Variants in EGFR observed in about 807,000 individuals in gnomAD.
EGFR encodes epidermal growth factor receptor.
Under a neutral mutation model 143.0 loss-of-function variants are expected in EGFR, and 58 were observed. The observed-to-expected ratio is 0.41, with a 90% CI of 0.33 to 0.50. The LOEUF (loss-of-function observed/expected upper bound fraction) is 0.50, where lower values mean the gene tolerates loss of function less well. Among genes scored for constraint, EGFR ranks in the 20% least tolerant of loss-of-function variants. The pLI is 0.39. For synonymous variants in EGFR, 613 were observed against 594.4 expected (o/e 1.03, Z -0.45); for missense variants, 1,307 against 1,579.0 (o/e 0.83, Z 2.92).
chr7:55,186,691 A>G (rs1237004309), intron 20 of EGFR, among the ~76,000 whole-genome samples: 1 of 152,224 alleles, frequency 6.6e-6, no homozygotes, highest in Non-Finnish European at 1.5e-5. Context: ...AGACATTTTG[A>G]CTAGTTATTT....
At chr7:55,147,579 G>A (rs190592981) in intron 4 of EGFR, among the ~76,000 whole-genome samples, 64 of 151,558 alleles carry the variant, frequency 4.2e-4, no homozygotes, top group African/African-American at 1.5e-3. Context: ...GGATTTTTGT[G>A]TATTTGTTTT....
intron 1 of EGFR, among the ~76,000 whole-genome samples, chr7:55,141,279 A>G (rs1794443658): frequency 6.6e-6 from 1 of 152,210 alleles, no homozygotes; most frequent in Admixed American, 6.5e-5. Flanking sequence ...TTGCCTAAAC[A>G]TGCCTTTCAA....
At position 55,143,460 on chromosome 7, in the gene EGFR, G is replaced by A. The variant is rs1456006424; in HGVS notation, c.396G>A (p.Leu132=). The A allele has an allele frequency of 4.3e-6, 7 of 1,614,104 alleles. No homozygotes were observed. Among genetic ancestry groups the A allele is most frequent in the East Asian group, 2.2e-5 (1 of 44,898 alleles). Residue 132 remains leucine (L), a synonymous_variant, in exon 3 of 28, where the codon CTG becomes CTA. Coordinates refer to ENST00000275493, the MANE Select transcript of EGFR (RefSeq NM_005228.5). ...LSNYDANKTG[L]KELPMRNLQE... is the part of the protein sequence containing the mutation. ...ACTATGATGCAAATAAAACCGGACT[G>A]AAGGAGCTGCCCATGAGAAATTTAC... is the stretch of plus-strand genomic sequence containing the variant.
At chr7:55,160,466 C>A in intron 12 of EGFR, 128 bp downstream of exon 12, 3 of 1,023,206 alleles carry the variant, frequency 2.9e-6, no homozygotes, top group Non-Finnish European at 4.2e-6. Flanking sequence ...AAATTAAAAT[C>A]TTAAGATTCC....
In EGFR at chr7:55,177,396, A is replaced by G. The variant is rs868110584; in HGVS notation, c.2283+2576A>G. On this transcript the variant is annotated intron_variant, in intron 19 of 27. Transcript: ENST00000275493. Reference sequence around the variant, plus strand: ...CATGTGTGCTCTTAGAAAGACTCACATGCACGCATGCACGGCAGCAATGAC... The same window carrying G: ...CATGTGTGCTCTTAGAAAGACTCACGTGCACGCATGCACGGCAGCAATGAC... 2.6e-5 allele frequency among the ~76,000 whole-genome samples: 4 copies of G among 152,328 alleles called. No individual in the cohort carries two copies. The Middle Eastern group carries it at 0.01, about 389-fold the overall frequency.
chr7:55,060,035 G>A (rs1288954828), intron 1 of EGFR, among the ~76,000 whole-genome samples: 1 of 152,228 alleles, frequency 6.6e-6, no homozygotes, highest in Non-Finnish European at 1.5e-5. Context: ...AGCGGGCACA[G>A]AGCTGATGTG....
rs17336800 is a variant in EGFR at position 55,161,509 on chromosome 7, C to T, written c.1509C>T (p.Gly503=). Residue 503 remains glycine, a synonymous_variant, in exon 13 of 28, where the codon GGC becomes GGT. Coordinates refer to ENST00000275493, the MANE Select transcript of EGFR (RefSeq NM_005228.5). ...NRGENSCKAT[G]QVCHALCSPE... Reference sequence around the variant, plus strand: ...ACTCTGTCTCCGCAGAGGCCACAGGCCAGGTCTGCCATGCCTTGTGCTCCC... The same window carrying T: ...ACTCTGTCTCCGCAGAGGCCACAGGTCAGGTCTGCCATGCCTTGTGCTCCC... 0.011 allele frequency: 18,287 copies of T among 1,614,058 alleles called. 114 individuals are homozygous for T. Among genetic ancestry groups the T allele is most frequent in the Non-Finnish European group, 0.014 (16,021 of 1,180,030 alleles).
chr7:55,173,763 C>T (rs951625905), intron 17 of EGFR, among the ~76,000 whole-genome samples, 158 bp from the exon 18 acceptor site: 3 of 152,244 alleles, frequency 2.0e-5, no homozygotes, highest in African/African-American at 7.2e-5. Flanking sequence ...GTAGAGAAGG[C>T]GTACATTTGT....
chr7:55,191,977 CCAGA>C, intron 21 of EGFR, 103 bp downstream of exon 21: 1 of 1,549,724 alleles, frequency 6.5e-7, no homozygotes, highest in Non-Finnish European at 8.8e-7. Flanking sequence ...AGGATGCTCT[CCAGA>C]CATTCTGGGT....
At chr7:55,066,373 G>A (rs1481766812) in intron 1 of EGFR, among the ~76,000 whole-genome samples, 2 of 152,170 alleles carry the variant, frequency 1.3e-5, no homozygotes, top group Non-Finnish European at 1.5e-5. Flanking sequence ...AATATTTGGT[G>A]TGAAATGTTC....
chr7:55,038,665 G>A (rs1787733903), intron 1 of EGFR, among the ~76,000 whole-genome samples: 1 of 152,210 alleles, frequency 6.6e-6, no homozygotes. Flanking sequence ...ACATTGAGGA[G>A]AATCTAAATT....
chr7:55,145,297 C>G (rs1317317945), intron 3 of EGFR, among the ~76,000 whole-genome samples: 4 of 152,216 alleles, frequency 2.6e-5, no homozygotes, highest in Non-Finnish European at 5.9e-5. Flanking sequence ...GCCCTGTCCT[C>G]TCCTGAGTTC....
chr7:55,082,380 G>A (rs1239629224), intron 1 of EGFR, among the ~76,000 whole-genome samples: 1 of 152,054 alleles, frequency 6.6e-6, no homozygotes, highest in African/African-American at 2.4e-5. Flanking sequence ...CAGCTTTGGT[G>A]TTTTGGCTTG....
At chr7:55,174,891 A>G in intron 19 of EGFR, 71 bp downstream of exon 19, 1 of 1,222,180 alleles carries the variant, frequency 8.2e-7, no homozygotes, top group Non-Finnish European at 1.2e-6. Context: ...CATGTCTGGC[A>G]GCTGCTCTGC....
rs532474383 is a variant in EGFR at position 55,099,159 on chromosome 7, T to C, written c.89-43127T>C. ...CATCGTGGTGGTGGCTTTCTCTGTG[T>C]TCCTCTGTTGATTCAGTCTCTGGAA... On this transcript the variant is annotated intron_variant, in intron 1 of 27. Transcript: ENST00000275493. 4.6e-5 allele frequency among the ~76,000 whole-genome samples: 7 copies of C among 152,338 alleles called. No homozygotes were observed. In the South Asian group the frequency reaches 1.4e-3, roughly 32 times the overall value.
intron 11 of EGFR, among the ~76,000 whole-genome samples, chr7:55,158,736 G>A (rs761260006): frequency 1.3e-5 from 2 of 152,204 alleles, no homozygotes; most frequent in Non-Finnish European, 2.9e-5. Flanking sequence ...GTGGCCACAC[G>A]TTCCAGGGTG....
intron 1 of EGFR, among the ~76,000 whole-genome samples, chr7:55,120,494 G>C (rs1793136813): frequency 6.6e-6 from 1 of 152,226 alleles, no homozygotes; most frequent in South Asian, 2.1e-4. Flanking sequence ...CGTTTACATG[G>C]AAATGAACCA....
intron 1 of EGFR, among the ~76,000 whole-genome samples, chr7:55,141,793 T>G (rs1475826530): frequency 6.6e-6 from 1 of 152,196 alleles, no homozygotes; most frequent in Non-Finnish European, 1.5e-5. Context: ...ACAATATTTT[T>G]GAGAAGTAAA....
At chr7:55,078,450 A>G (rs1790262804) in intron 1 of EGFR, among the ~76,000 whole-genome samples, 1 of 152,214 alleles carries the variant, frequency 6.6e-6, no homozygotes, top group African/African-American at 2.4e-5. Context: ...CATGTGTGCT[A>G]GCTGCACCAA....
Sources: gnomAD v4.1 joint callset for allele counts (sites outside exome capture counted in the v4.1 genomes callset) on GRCh38, gnomAD v4.1.1 for gene constraint, MANE v1.5 for transcripts, NCBI Gene and HGNC (gene_info 2026-07-23, HGNC 2026-07-21) for gene names.